The following WDR7 variants were observed in gnomAD, a reference collection of about 807,000 sequenced individuals.
The protein encoded by WDR7 is WD repeat domain 7.
Under a neutral mutation model 169.4 loss-of-function variants are expected in WDR7, and 46 were observed. The observed-to-expected ratio is 0.27, with a 90% CI of 0.21 to 0.35. The LOEUF (loss-of-function observed/expected upper bound fraction) is 0.35. WDR7 is among the 10% of genes least tolerant of loss of function. The probability of loss-of-function intolerance (pLI) is 1.00; values close to 1 mark genes in which losing one functional copy is unlikely to be tolerated. For missense variants in WDR7, 1,534 were observed against 1,859.3 expected (o/e 0.83, Z 3.22); for synonymous variants, 612 against 666.8 (o/e 0.92, Z 1.27).
At chr18:56,708,058 G>A (rs895396646) in intron 12 of WDR7, among the ~76,000 whole-genome samples, 1 of 144,112 alleles carries the variant, frequency 6.9e-6, no homozygotes, top group East Asian at 2.0e-4. Context: ...TTCTGAGACA[G>A]AGTCTTGCTC....
intron 12 of WDR7, among the ~76,000 whole-genome samples, chr18:56,708,596 G>T (rs2026013734): frequency 1.3e-5 from 2 of 152,110 alleles, no homozygotes; most frequent in Non-Finnish European, 2.9e-5. Flanking sequence ...GCTGAATGGT[G>T]TGTGGAGAGT....
chr18:56,676,666 ACT>A (rs1157524381), intron 2 of WDR7, among the ~76,000 whole-genome samples: 1 of 151,586 alleles, frequency 6.6e-6, no homozygotes, highest in Non-Finnish European at 1.5e-5. Context: ...ACTAATAAAG[ACT>A]CTACACCTTA....
chr18:56,977,171 C>A (rs772060801), intron 26 of WDR7, among the ~76,000 whole-genome samples: 2 of 152,142 alleles, frequency 1.3e-5, no homozygotes, highest in African/African-American at 4.8e-5. Flanking sequence ...CTCAATAAAT[C>A]GTGGTGGTGG....
At chr18:56,704,229 A>G (rs1297495254) in intron 12 of WDR7, among the ~76,000 whole-genome samples, 1 of 152,082 alleles carries the variant, frequency 6.6e-6, no homozygotes, top group Non-Finnish European at 1.5e-5. Context: ...ACTATTCTAT[A>G]CTATTGTTTA....
At chr18:56,761,773 A>G (rs1454999256) in intron 16 of WDR7, among the ~76,000 whole-genome samples, 1 of 151,854 alleles carries the variant, frequency 6.6e-6, no homozygotes, top group Non-Finnish European at 1.5e-5. Flanking sequence ...TTAACTGGTA[A>G]TGTTTAGCTA....
In WDR7 at chr18:56,757,094, C is replaced by G. The variant is rs759822443; in HGVS notation, c.2501C>G (p.Ser834Trp). The change falls in exon 15 of 28, where the codon TCG (serine) becomes TGG (tryptophan). Residue 834 changes from serine (S) to tryptophan (W), a missense_variant. By Grantham distance (177) the Ser-to-Trp change is radical (BLOSUM62 -3). Coordinates refer to ENST00000254442, the MANE Select transcript of WDR7 (RefSeq NM_015285.3). ...LGMLKPHCTV[S>W]FGLLSRGGHM... Reference sequence around the variant, plus strand: ...ATGCTGAAACCCCACTGCACCGTATCGTTTGGCCTCTTGTCAAGAGGAGGC... The same window carrying G: ...ATGCTGAAACCCCACTGCACCGTATGGTTTGGCCTCTTGTCAAGAGGAGGC... The G allele has an allele frequency of 6.2e-7, 1 of 1,614,094 alleles. No homozygotes were observed. Among genetic ancestry groups the G allele is most frequent in the Admixed American group, 1.7e-5 (1 of 60,006 alleles).
intron 16 of WDR7, among the ~76,000 whole-genome samples, chr18:56,762,353 G>C (rs1391348016): frequency 6.6e-6 from 1 of 151,694 alleles, no homozygotes; most frequent in African/African-American, 2.4e-5. Context: ...TATAAGATTG[G>C]CAACATTTCT....
chr18:56,830,146 A>G (rs1340779343), intron 20 of WDR7, among the ~76,000 whole-genome samples: 1 of 152,316 alleles, frequency 6.6e-6, no homozygotes, highest in Non-Finnish European at 1.5e-5. Context: ...CCCTGAGTTT[A>G]CCACACTCTT....
rs371228680 is a variant in WDR7 at position 56,672,484 on chromosome 18, A to G, written c.-19-13A>G. 7 of 1,455,822 alleles carry G rather than the reference A, an allele frequency of 4.8e-6. No individual in the cohort carries two copies. The African/African-American group carries it at 7.2e-5, about 15-fold the overall frequency. The allele number at this position is 1,455,822 out of a possible 1,614,324, so 90.2% of individuals were successfully genotyped here. ...AATATTGTAATATCTGACAATTTTTATAACATTTTCAGGTTTGAAAACACA... is the reference window on the plus strand; with the variant it reads ...AATATTGTAATATCTGACAATTTTTGTAACATTTTCAGGTTTGAAAACACA... On this transcript the variant is annotated splice_polypyrimidine_tract_variant and intron_variant, in intron 1 of 27. Coordinates refer to ENST00000254442, the MANE Select transcript of WDR7 (RefSeq NM_015285.3).
intron 12 of WDR7, among the ~76,000 whole-genome samples, chr18:56,705,840 CA>C (rs1180318534): frequency 6.6e-6 from 1 of 151,848 alleles, no homozygotes; most frequent in Admixed American, 6.6e-5. Context: ...CTATTAAATA[CA>C]AAAAAAATTA....
intron 2 of WDR7, among the ~76,000 whole-genome samples, chr18:56,677,815 T>C (rs903676058): frequency 1.2e-4 from 18 of 152,312 alleles, no homozygotes; most frequent in Middle Eastern, 3.4e-3. Context: ...GATTTGGGGA[T>C]TCTTTGTTAT....
chr18:56,773,767 A>C (rs1169223126), intron 16 of WDR7, among the ~76,000 whole-genome samples: 1 of 152,130 alleles, frequency 6.6e-6, no homozygotes, highest in Non-Finnish European at 1.5e-5. Context: ...AACTTATAAA[A>C]AGCCAAATGT....
At chr18:56,824,105 T>G (rs912426329) in intron 20 of WDR7, among the ~76,000 whole-genome samples, 9 of 152,214 alleles carry the variant, frequency 5.9e-5, no homozygotes, top group Non-Finnish European at 7.3e-5. Context: ...GCTAAAGCAG[T>G]ACTTAACTTT....
intron 27 of WDR7, among the ~76,000 whole-genome samples, 181 bp from the exon 28 acceptor site, chr18:57,026,823 A>G (rs926970443): frequency 6.6e-6 from 1 of 152,220 alleles, no homozygotes; most frequent in Non-Finnish European, 1.5e-5. Context: ...CATTTACCAT[A>G]ACAGCATCGG....
intron 25 of WDR7, among the ~76,000 whole-genome samples, chr18:56,947,922 G>A (rs991224330): frequency 5.3e-5 from 8 of 152,182 alleles, no homozygotes; most frequent in Non-Finnish European, 8.8e-5. Context: ...TCAAGGCTCC[G>A]TTAGAAATGA....
Position 56,739,066 on chromosome 18 carries a change from C to G in WDR7, c.1989+7469C>G, listed in dbSNP as rs931627357. Reference sequence around the variant, plus strand: ...AAACCTTTTATCTCTTTGCTCTTCTCTTGACTATTATGGCCACTGCTAATC... The same window carrying G: ...AAACCTTTTATCTCTTTGCTCTTCTGTTGACTATTATGGCCACTGCTAATC... On this transcript the variant is annotated intron_variant, in intron 14 of 27. Transcript: ENST00000254442. Among the ~76,000 whole-genome samples the G allele has an allele frequency of 3.3e-5, 5 of 150,934 alleles. No homozygotes were observed. The South Asian group carries it at 8.4e-4, about 25-fold the overall frequency.
At chr18:56,712,959 C>G (rs554849368) in intron 12 of WDR7, among the ~76,000 whole-genome samples, 35 of 152,274 alleles carry the variant, frequency 2.3e-4, no homozygotes, top group Admixed American at 2.0e-4. Context: ...CACGCATCAT[C>G]TCAGGCAAGA....
intron 13 of WDR7, among the ~76,000 whole-genome samples, chr18:56,720,914 A>G (rs1219330889): frequency 1.3e-5 from 2 of 152,174 alleles, no homozygotes; most frequent in East Asian, 3.9e-4. Flanking sequence ...GATTTCAACC[A>G]TAATGGGAGG....
At chr18:56,937,072 T>A (rs1394187906) in intron 23 of WDR7, among the ~76,000 whole-genome samples, 4 of 152,150 alleles carry the variant, frequency 2.6e-5, no homozygotes, top group Non-Finnish European at 5.9e-5. Flanking sequence ...GTCTGACAGG[T>A]CCTTGTATTA....
Sources: gnomAD v4.1 joint callset for allele counts (sites outside exome capture counted in the v4.1 genomes callset) on GRCh38, gnomAD v4.1.1 for gene constraint, MANE v1.5 for transcripts, NCBI Gene and HGNC (gene_info 2026-07-23, HGNC 2026-07-21) for gene names.